The following POU3F3 variants were observed in gnomAD, a reference collection of about 807,000 sequenced individuals.
POU3F3 encodes POU class 3 homeobox 3, also known as POU domain, class 3, transcription factor 3.
A neutral mutation model predicts 8.6 loss-of-function variants in POU3F3; 1 was observed. That is an observed-to-expected ratio of 0.12 (90% confidence interval 0.04 to 0.55). POU3F3 has a LOEUF of 0.55. POU3F3 is among the 20% of genes least tolerant of loss of function. POU3F3 has a pLI of 0.91. For missense variants in POU3F3, 577 were observed against 690.7 expected, an observed-to-expected ratio of 0.84 and a Z score of 1.84; for synonymous variants, 418 against 327.4, an observed-to-expected ratio of 1.28 and a Z score of -2.99.
chr2:104,919,657 G>C, the POU3F3 span, among the ~76,000 whole-genome samples: 1 of 152,088 alleles, frequency 6.6e-6, no homozygotes, highest in Admixed American at 6.5e-5. Flanking sequence ...CTGAATGATA[G>C]CATTTGGAGA....
chr2:104,913,393 A>G, the POU3F3 span, among the ~76,000 whole-genome samples: 2 of 152,082 alleles, frequency 1.3e-5, no homozygotes, highest in African/African-American at 4.8e-5. Context: ...TTTCTCCCTC[A>G]TCAGGCAGTT....
chr2:104,919,989 CTATT>C, the POU3F3 span, among the ~76,000 whole-genome samples: 2 of 151,996 alleles, frequency 1.3e-5, no homozygotes, highest in African/African-American at 2.4e-5. Flanking sequence ...ACAGGAACAG[CTATT>C]TATTTATTTA....
At chr2:104,918,840 A>G in the POU3F3 span, among the ~76,000 whole-genome samples, 4 of 152,066 alleles carry the variant, frequency 2.6e-5, no homozygotes, top group African/African-American at 9.7e-5. Context: ...TGCAAAGAGA[A>G]AGATGAAAAA....
At chr2:104,879,502 A>AG in the POU3F3 span, among the ~76,000 whole-genome samples, 1 of 152,076 alleles carries the variant, frequency 6.6e-6, no homozygotes, top group East Asian at 1.9e-4. Context: ...GAAAAAAAAA[A>AG]TTACCTGTCT....
the POU3F3 span, among the ~76,000 whole-genome samples, chr2:104,924,597 A>G: frequency 5.9e-5 from 9 of 152,240 alleles, no homozygotes; most frequent in Non-Finnish European, 1.3e-4. Flanking sequence ...TTTCAACACT[A>G]TGAAATAATT....
chr2:104,873,950 T>G, the POU3F3 span, among the ~76,000 whole-genome samples: 4 of 152,188 alleles, frequency 2.6e-5, no homozygotes, highest in Non-Finnish European at 5.9e-5. Context: ...CCCGGTGTCA[T>G]GCAAGCTCTC....
In POU3F3 at chr2:104,856,060, C is replaced by T. The variant is rs1425966349; in HGVS notation, c.550C>T (p.Pro184Ser). The T allele has an allele frequency of 1.0e-5, 10 of 1,002,740 alleles. No individual in the cohort carries two copies. The highest frequency in any genetic ancestry group is 5.1e-4 in the Middle Eastern group (1 of 1,968). The allele number at this position is 1,002,740 out of a possible 1,614,324, so 62.1% of individuals were successfully genotyped here. Residue 184 changes from proline (P) to serine (S), a missense_variant, in exon 1 of 1, where the codon CCT becomes TCT. This residue lies in a region of POU3F3 where 484 missense variants were observed against 422.6 expected (regional missense o/e 1.15). Transcript: ENST00000361360. ...GCCGCCGCCCCCACACCAGGGCCAC[C>T]CTGGGGGCTGGGGGGCGGCCGCCGC... is the stretch of plus-strand genomic sequence containing the variant. ...PPPPPPHQGH[P>S]GGWGAAAAAA...
chr2:104,898,963 A>G, the POU3F3 span, among the ~76,000 whole-genome samples: 4 of 152,372 alleles, frequency 2.6e-5, no homozygotes, highest in African/African-American at 9.6e-5. Flanking sequence ...AAATAGATAC[A>G]GAAAGTTATT....
the POU3F3 span, among the ~76,000 whole-genome samples, chr2:104,913,349 A>T: frequency 6.6e-6 from 1 of 151,864 alleles, no homozygotes; most frequent in Admixed American, 6.6e-5. Flanking sequence ...TTCTCAGGGG[A>T]TCCTCTGGAC....
At chr2:104,887,200 T>A in the POU3F3 span, among the ~76,000 whole-genome samples, 1 of 152,322 alleles carries the variant, frequency 6.6e-6, no homozygotes, top group Admixed American at 6.5e-5. Context: ...TGGTGGGTTT[T>A]AGCCGGCTTC....
Position 104,857,127 on chromosome 2 carries a change from G to GCCGC in POU3F3, c.*115_*116insCGCC. 1 of 963,810 alleles carries GCCGC rather than the reference G, an allele frequency of 1.0e-6. No individual in the cohort carries two copies. 59.7% of individuals were successfully genotyped at this position (963,810 alleles called of 1,614,324 possible). On this transcript the variant is annotated 3_prime_UTR_variant, in exon 1 of 1. Transcript: ENST00000361360. ...CGCCGCCGCCGCCGCTGCCGCCGCC[G>GCCGC]CGCCGACCCTGCACCTGGGCCGCTC...
At chr2:104,875,344 C>T in the POU3F3 span, among the ~76,000 whole-genome samples, 1 of 152,190 alleles carries the variant, frequency 6.6e-6, no homozygotes, top group African/African-American at 2.4e-5. Flanking sequence ...TTCTTTTCAG[C>T]GTGTACCCAG....
chr2:104,860,289 C>T (rs984369821), downstream of POU3F3, among the ~76,000 whole-genome samples: 2 of 152,116 alleles, frequency 1.3e-5, no homozygotes, highest in South Asian at 2.1e-4. Flanking sequence ...CTAATGCTTG[C>T]ACTCCATTTT....
At chr2:104,926,155 G>A in the POU3F3 span, 1 of 152,152 alleles carries the variant, frequency 6.6e-6, no homozygotes. Flanking sequence ...ACTCTCATTG[G>A]AGTAAACAGG....
the POU3F3 span, among the ~76,000 whole-genome samples, chr2:104,903,633 G>A: frequency 6.6e-6 from 1 of 152,156 alleles, no homozygotes; most frequent in Non-Finnish European, 1.5e-5. Flanking sequence ...CTTTAACACA[G>A]ACACGCAAAT....
At chr2:104,862,531 C>T (rs1479953687), downstream of POU3F3, among the ~76,000 whole-genome samples, 1 of 149,760 alleles carries the variant, frequency 6.7e-6, no homozygotes, top group Non-Finnish European at 1.5e-5. Flanking sequence ...GTCCAAAGCT[C>T]GCTTCTCTCC....
chr2:104,892,689 A>G, the POU3F3 span, among the ~76,000 whole-genome samples: 8 of 151,572 alleles, frequency 5.3e-5, no homozygotes, highest in African/African-American at 1.2e-4. Flanking sequence ...GTGTGTGTGT[A>G]TATATATATG....
the POU3F3 span, among the ~76,000 whole-genome samples, chr2:104,903,896 A>C: frequency 2.6e-5 from 4 of 152,154 alleles, no homozygotes; most frequent in Non-Finnish European, 4.4e-5. Flanking sequence ...ATAGTTACTC[A>C]AGTTGGTCTG....
the POU3F3 span, among the ~76,000 whole-genome samples, chr2:104,884,144 C>A: frequency 1.3e-5 from 2 of 152,058 alleles, no homozygotes; most frequent in East Asian, 3.9e-4. Flanking sequence ...AGGGGTGACA[C>A]GGAAGAGTGT....
Sources: allele counts gnomAD v4.1 joint callset (sites outside exome capture counted in the v4.1 genomes callset), GRCh38; gene constraint gnomAD v4.1.1; regional missense constraint gnomAD v4.1.1; transcripts MANE v1.5; gene names NCBI Gene and HGNC (gene_info 2026-07-23, HGNC 2026-07-21).